Variants in AMMECR1L observed in about 807,000 individuals in gnomAD.
AMMECR1L encodes AMMECR1 like, also known as AMMECR1-like protein.
AMMECR1L carries 4 observed loss-of-function variants against 36.8 expected under a neutral mutation model. That is an observed-to-expected ratio of 0.11 (90% CI 0.05 to 0.25). The LOEUF is 0.25. Ranked by LOEUF, AMMECR1L falls within the 10% of genes least tolerant of loss-of-function variation. The pLI, the probability that AMMECR1L is intolerant of heterozygous loss-of-function variation, is 1.00. For synonymous variants in AMMECR1L, 147 were observed against 148.0 expected (o/e 0.99, Z 0.05); for missense variants, 232 against 392.1 (o/e 0.59, Z 3.45).
intron 2 of AMMECR1L, among the ~76,000 whole-genome samples, chr2:127,880,773 TACACACAC>T (rs56950354): frequency 7.4e-5 from 11 of 149,010 alleles, no homozygotes; most frequent in East Asian, 5.9e-4. Flanking sequence ...ACATACAGTA[TACACACAC>T]ACACACACAC....
intron 2 of AMMECR1L, among the ~76,000 whole-genome samples, chr2:127,878,965 G>T (rs886569160): frequency 2.0e-5 from 3 of 152,132 alleles, no homozygotes; most frequent in Non-Finnish European, 2.9e-5. Context: ...GGAGAAAATA[G>T]TATACTCCAC....
chr2:127,885,030 T>A (rs572654999), intron 1 of AMMECR1L: 67 of 424,754 alleles, frequency 1.6e-4, no homozygotes, highest in Non-Finnish European at 1.9e-4. Flanking sequence ...AGGAGAGGAG[T>A]TCAGATCAGG....
chr2:127,863,631 C>T lies in AMMECR1L; in HGVS notation c.*1463G>A, dbSNP rs1263592591. On this transcript the variant is annotated 3_prime_UTR_variant, in exon 8 of 8. Transcript: ENST00000272647. Reference sequence around the variant, plus strand: ...AATAAAAACATGTTCACTGGGTTGACACCCAATCCACTTCATGAGTTCTCT... The same window carrying T: ...AATAAAAACATGTTCACTGGGTTGATACCCAATCCACTTCATGAGTTCTCT... The T allele has an allele frequency of 6.5e-6, 1 of 152,680 alleles. No homozygotes were observed. The allele number at this position is 152,680 out of a possible 1,614,324, so 9.5% of individuals were successfully genotyped here. A position where few individuals can be genotyped will look rare whatever the true frequency, so the allele number is the denominator to read the frequency against.
intron 1 of AMMECR1L, chr2:127,885,148 C>T: frequency 1.0e-6 from 1 of 984,356 alleles, no homozygotes; most frequent in Non-Finnish European, 1.2e-6. Context: ...GGGGGGCCAG[C>T]GGAGGTTAAG....
chr2:127,865,240 C>A lies in AMMECR1L; in HGVS notation c.822-35G>T. The A allele has an allele frequency of 1.4e-6, 2 of 1,462,168 alleles. No homozygotes were observed. The highest frequency in any genetic ancestry group is 1.9e-6 in the Non-Finnish European group (2 of 1,060,692). 90.6% of individuals were successfully genotyped at this position (1,462,168 alleles called of 1,614,324 possible). On this transcript the variant is annotated intron_variant, in intron 7 of 7. Coordinates refer to ENST00000272647, the MANE Select transcript of AMMECR1L (RefSeq NM_001199140.2). This position sits in a 1 kb window ranked among gnomAD's most constrained non-coding sequence, Gnocchi z 5.4. Reference sequence around the variant, plus strand: ...GAAACAGGAAAGGGTATTAGGAACCCCAAACGCTTCATTTTGTAAAGTCAC... The same window carrying A: ...GAAACAGGAAAGGGTATTAGGAACCACAAACGCTTCATTTTGTAAAGTCAC...
In AMMECR1L at chr2:127,873,364, G is replaced by C. The variant is rs1267029001; in HGVS notation, c.407+464C>G. On this transcript the variant is annotated intron_variant, in intron 3 of 7. Transcript: ENST00000272647. This position sits in a 1 kb window ranked among gnomAD's most constrained non-coding sequence, Gnocchi z 5.2. Reference sequence around the variant, plus strand: ...GTGAGTGGCCCTACAGGTTTACCAAGGGATTTCTCATGAACAAAGTGAGGG... The same window carrying C: ...GTGAGTGGCCCTACAGGTTTACCAACGGATTTCTCATGAACAAAGTGAGGG... 3.0e-6 allele frequency: 3 copies of C among 985,292 alleles called. No homozygotes were observed. The highest frequency in any genetic ancestry group is 6.2e-5 in the Admixed American group (1 of 16,260). The allele number at this position is 985,292 out of a possible 1,614,324, so 61.0% of individuals were successfully genotyped here. A position where few individuals can be genotyped will look rare whatever the true frequency, so the allele number is the denominator to read the frequency against.
intron 3 of AMMECR1L, among the ~76,000 whole-genome samples, chr2:127,872,192 G>GAAAAAAAAAAAAAA (rs369158538): frequency 1.2e-5 from 1 of 84,752 alleles, no homozygotes. Flanking sequence ...GTCTCAAAAA[G>GAAAAAAAAAAAAAA]AAAAAAAAAA....
At position 127,863,126 on chromosome 2, in the gene AMMECR1L, A is replaced by C. The variant is rs1454861372; in HGVS notation, c.*1968T>G. 6.6e-6 allele frequency: 1 copy of C among 152,618 alleles called. No homozygotes were observed. Among genetic ancestry groups the C allele is most frequent in the Non-Finnish European group, 1.5e-5 (1 of 68,048 alleles). 9.5% of individuals were successfully genotyped at this position (152,618 alleles called of 1,614,324 possible). On this transcript the variant is annotated 3_prime_UTR_variant, in exon 8 of 8. Coordinates refer to ENST00000272647, the MANE Select transcript of AMMECR1L (RefSeq NM_001199140.2). The stretch of plus-strand genomic sequence containing the variant: ...AGTAATGAGTGTAGCCCTATGTATC[A>C]ATACTGTTGTACAAATTGGAGGTGG...
Position 127,869,021 on chromosome 2 carries a change from C to T in AMMECR1L, c.724+433G>A, listed in dbSNP as rs1414672084. Among the ~76,000 whole-genome samples the T allele has an allele frequency of 6.6e-6, 1 of 152,178 alleles. No homozygotes were observed. Among genetic ancestry groups the T allele is most frequent in the Non-Finnish European group, 1.5e-5 (1 of 68,038 alleles). On this transcript the variant is annotated intron_variant, in intron 6 of 7. Coordinates refer to ENST00000272647, the MANE Select transcript of AMMECR1L (RefSeq NM_001199140.2). The surrounding 1 kb of genome is among the most constrained non-coding windows in gnomAD (Gnocchi z 4.7). ...TATAGGAGTAAGCCACCACGCCTGGCCGACTACTGAGTTCTTTAAAAAACA... is the reference window on the plus strand; with the variant it reads ...TATAGGAGTAAGCCACCACGCCTGGTCGACTACTGAGTTCTTTAAAAAACA...
At position 127,871,773 on chromosome 2, in the gene AMMECR1L, G is replaced by A. The variant is rs981122719; in HGVS notation, c.408-414C>T. 2.0e-5 allele frequency among the ~76,000 whole-genome samples: 3 copies of A among 151,890 alleles called. No individual in the cohort carries two copies. Among genetic ancestry groups the A allele is most frequent in the South Asian group, 2.1e-4 (1 of 4,820 alleles). On this transcript the variant is annotated intron_variant, in intron 3 of 7. Transcript: ENST00000272647. This position sits in a 1 kb window ranked among gnomAD's most constrained non-coding sequence, Gnocchi z 4.3. Reference sequence around the variant, plus strand: ...TGACACGCCTCACCTGCACAGCCCCGTTCATCTGCAAACCCATGTTGCTTC... The same window carrying A: ...TGACACGCCTCACCTGCACAGCCCCATTCATCTGCAAACCCATGTTGCTTC...
At chr2:127,866,355 G>A (rs1487461057) in intron 7 of AMMECR1L, among the ~76,000 whole-genome samples, 1 of 152,224 alleles carries the variant, frequency 6.6e-6, no homozygotes, top group African/African-American at 2.4e-5. Flanking sequence ...CAGGCTCAGA[G>A]AGGCAGAATA....
At position 127,874,002 on chromosome 2, in the gene AMMECR1L, C is replaced by G; in HGVS notation, c.233G>C (p.Arg78Pro). The change falls in exon 3 of 8, where the codon CGA becomes CCA. Residue 78 changes from arginine to proline, a missense_variant. Coordinates refer to ENST00000272647, the MANE Select transcript of AMMECR1L (RefSeq NM_001199140.2). The surrounding 1 kb of genome is among the most constrained non-coding windows in gnomAD (Gnocchi z 5.2). ...CAGCGCTCCCGATGCGGGATTCATT[C>G]GTGTGATGGGAGAGTTTCCAGGTCC... is the stretch of plus-strand genomic sequence containing the variant. The part of the protein sequence containing the change: ...TLGPGNSPIT[R>P]MNPASGALSP... 1.9e-6 allele frequency: 3 copies of G among 1,614,218 alleles called. No homozygotes were observed. The highest frequency in any genetic ancestry group is 2.5e-6 in the Non-Finnish European group (3 of 1,180,034).
At position 127,871,032 on chromosome 2, in the gene AMMECR1L, T is replaced by C. The variant is rs1490715362; in HGVS notation, c.519-104A>G. On this transcript the variant is annotated intron_variant, in intron 4 of 7. Coordinates refer to ENST00000272647, the MANE Select transcript of AMMECR1L (RefSeq NM_001199140.2). This position sits in a 1 kb window ranked among gnomAD's most constrained non-coding sequence, Gnocchi z 4.3. The stretch of plus-strand genomic sequence containing the variant: ...TATGAATCTTGAGCTATGCAGAGAG[T>C]ATCTATTGTTCATCAACACTAACAT... 6 of 971,510 alleles carry C rather than the reference T, an allele frequency of 6.2e-6. No individual in the cohort carries two copies. Among genetic ancestry groups the C allele is most frequent in the Admixed American group, 2.6e-5 (1 of 37,970 alleles). 60.2% of individuals were successfully genotyped at this position (971,510 alleles called of 1,614,324 possible). A position where few individuals can be genotyped will look rare whatever the true frequency, so the allele number is the denominator to read the frequency against.
chr2:127,864,002 CT>C lies in AMMECR1L; in HGVS notation c.*1091del, dbSNP rs1444584184. 1 of 152,444 alleles carries C rather than the reference CT, an allele frequency of 6.6e-6. No homozygotes were observed. The highest frequency in any genetic ancestry group is 1.5e-5 in the Non-Finnish European group (1 of 68,050). 9.4% of individuals were successfully genotyped at this position (152,444 alleles called of 1,614,324 possible). On this transcript the variant is annotated 3_prime_UTR_variant, in exon 8 of 8. Coordinates refer to ENST00000272647, the MANE Select transcript of AMMECR1L (RefSeq NM_001199140.2). ...AGGTCCACCTTGTGTAATTACACAA[CT>C]GTTTCCTAATGTCCTGTAAAGGACA...
At chr2:127,880,777 C>A (rs1573563801) in intron 2 of AMMECR1L, among the ~76,000 whole-genome samples, 5 of 150,206 alleles carry the variant, frequency 3.3e-5, no homozygotes, top group Non-Finnish European at 7.4e-5. Context: ...ACAGTATACA[C>A]ACACACACAC....
In AMMECR1L at chr2:127,869,789, C is replaced by A. The variant is rs11683504; in HGVS notation, c.634-245G>T. On this transcript the variant is annotated intron_variant, in intron 5 of 7. Transcript: ENST00000272647. This position sits in a 1 kb window ranked among gnomAD's most constrained non-coding sequence, Gnocchi z 4.7. ...AATATGAAGGTAGGAGAAATGCATT[C>A]TTTAAGTAATTCATCCAGGAATTGT... Among the ~76,000 whole-genome samples, 39,088 of 152,166 alleles carry A rather than the reference C, an allele frequency of 0.26. 5,630 individuals carry two copies. The highest frequency in any genetic ancestry group is 0.48 in the South Asian group (2,312 of 4,822).
In AMMECR1L at chr2:127,871,844, A is replaced by G. The variant is rs1690984198; in HGVS notation, c.408-485T>C. On this transcript the variant is annotated intron_variant, in intron 3 of 7. Transcript: ENST00000272647. The surrounding 1 kb of genome is among the most constrained non-coding windows in gnomAD (Gnocchi z 4.3). ...ACAACTACAAATATTTCCACTCACA[A>G]ATTTTCAGAAAAAAAAGTTCCCTCA... is the stretch of plus-strand genomic sequence containing the variant. Among the ~76,000 whole-genome samples the G allele has an allele frequency of 6.6e-6, 1 of 151,978 alleles. No individual in the cohort carries two copies. Among genetic ancestry groups the G allele is most frequent in the African/African-American group, 2.4e-5 (1 of 41,342 alleles).
rs577863184 is a variant in AMMECR1L at position 127,873,945 on chromosome 2, T to C, written c.290A>G (p.Asn97Ser). 1.5e-5 allele frequency: 25 copies of C among 1,614,198 alleles called. No individual in the cohort carries two copies. In the Middle Eastern group the frequency reaches 4.9e-4, roughly 32 times the overall value. The stretch of plus-strand genomic sequence containing the variant: ...AGTCACCACCAGATTCTTAGTGGTG[T>C]TGGCAGTTCCATTAGGCCGGGGAAG... ...SPLPRPNGTA[N>S]TTKNLVVTAE... The change falls in exon 3 of 8, where the codon AAC becomes AGC. Residue 97 changes from asparagine (N) to serine (S), a missense_variant. Physicochemically the swap from Asn to Ser is conservative, Grantham distance 46. This residue lies in a region of AMMECR1L where 109 missense variants were observed against 128.1 expected (regional missense o/e 0.85). Coordinates refer to ENST00000272647, the MANE Select transcript of AMMECR1L (RefSeq NM_001199140.2). This position sits in a 1 kb window ranked among gnomAD's most constrained non-coding sequence, Gnocchi z 5.2.
rs761771388 is a variant in AMMECR1L at position 127,869,461 on chromosome 2, C to T, written c.717G>A (p.Lys239=). Reference sequence around the variant, plus strand: ...CCCATTCATCCAACTCACCTTGTTCCTTAGCAACCTCAGGTAAATATGTGG... The same window carrying T: ...CCCATTCATCCAACTCACCTTGTTCTTTAGCAACCTCAGGTAAATATGTGG... ...RTATYLPEVA[K]EQDWDQIQTI... is the part of the protein sequence containing the mutation. The change falls in exon 6 of 8, where the codon AAG becomes AAA. Residue 239 remains lysine, a synonymous_variant. Transcript: ENST00000272647. This position sits in a 1 kb window ranked among gnomAD's most constrained non-coding sequence, Gnocchi z 4.7. 2 of 1,612,670 alleles carry T rather than the reference C, an allele frequency of 1.2e-6. No homozygotes were observed. The highest frequency in any genetic ancestry group is 2.2e-5 in the East Asian group (1 of 44,866).
Sources: gnomAD v4.1 joint callset for allele counts (sites outside exome capture counted in the v4.1 genomes callset) on GRCh38, gnomAD v4.1.1 for gene constraint, gnomAD v4.1.1 regional missense constraint, Gnocchi (gnomAD v3.1) non-coding constraint, MANE v1.5 for transcripts, NCBI Gene and HGNC (gene_info 2026-07-23, HGNC 2026-07-21) for gene names.